CDH18: variants seen among roughly 807,000 people sequenced by gnomAD.
CDH18 encodes the protein cadherin-18.
CDH18 carries 31 observed loss-of-function variants against 67.9 expected under a neutral mutation model. The observed-to-expected ratio is 0.46, with a 90% CI of 0.34 to 0.62. The LOEUF (loss-of-function observed/expected upper bound fraction) is 0.62, where lower values mean the gene tolerates loss of function less well. CDH18 is among the 20% of genes least tolerant of loss of function. The probability of loss-of-function intolerance (pLI) is 0.01; values close to 1 mark genes in which losing one functional copy is unlikely to be tolerated. For missense variants in CDH18, 890 were observed against 975.5 expected (o/e 0.91, Z 1.17); for synonymous variants, 362 against 347.2 (o/e 1.04, Z -0.48).
chr5:19,896,431 T>C (rs1409386166), intron 2 of CDH18, among the ~76,000 whole-genome samples: 3 of 152,112 alleles, frequency 2.0e-5, no homozygotes, highest in Non-Finnish European at 4.4e-5. Context: ...ATAAACCTCC[T>C]TCTAAGAGAG....
chr5:20,466,959 C>T (rs1339077053), intron 1 of CDH18, among the ~76,000 whole-genome samples: 1 of 152,020 alleles, frequency 6.6e-6, no homozygotes, highest in Non-Finnish European at 1.5e-5. Context: ...AAATTATGGC[C>T]TTGTTGCAGG....
chr5:20,111,311 G>C (rs925867735), intron 2 of CDH18, among the ~76,000 whole-genome samples: 5 of 152,106 alleles, frequency 3.3e-5, no homozygotes, highest in African/African-American at 9.6e-5. Flanking sequence ...ATGAAGAAAG[G>C]CTCAGTAGGG....
intron 2 of CDH18, among the ~76,000 whole-genome samples, chr5:20,140,203 C>A (rs953463563): frequency 9.2e-5 from 14 of 152,102 alleles, no homozygotes; most frequent in South Asian, 4.1e-4. Context: ...TCATTCTGAG[C>A]AAACTGTCAC....
chr5:19,473,236 C>A lies in CDH18; in HGVS notation c.2363G>T (p.Arg788Ile). The change falls in exon 13 of 13, where the codon AGA becomes ATA. Residue 788 changes from arginine to isoleucine, a missense_variant. Around this residue, in one of 2 missense-constraint regions of CDH18, gnomAD observed 656 missense variants for 668.1 expected, o/e 0.98. Transcript: ENST00000382275. ...GCAAGAACTGACCCCCTAAGTTGTT[C>A]TTTCAGATTCTATTTCTCCATAGAG... The part of the protein sequence containing the change: ...AELYGEIESE[R>I]TT The A allele has an allele frequency of 6.2e-7, 1 of 1,612,842 alleles. No homozygotes were observed. Among genetic ancestry groups the A allele is most frequent in the Non-Finnish European group, 8.5e-7 (1 of 1,179,206 alleles).
intron 1 of CDH18, among the ~76,000 whole-genome samples, chr5:20,516,036 T>C (rs116420308): frequency 1.1e-3 from 168 of 152,156 alleles, no homozygotes; most frequent in African/African-American, 4.0e-3. Context: ...ATGGGCTCAA[T>C]AGAACTCAAA....
intron 5 of CDH18, among the ~76,000 whole-genome samples, chr5:19,718,035 T>TA (rs1376419930): frequency 6.6e-6 from 1 of 151,972 alleles, no homozygotes; most frequent in Non-Finnish European, 1.5e-5. Context: ...GATTTCAGTG[T>TA]AAAAAAATTC....
rs776225873 is a variant in CDH18 at position 19,571,640 on chromosome 5, T to C, written c.1192A>G (p.Ile398Val). The change falls in exon 8 of 13, where the codon ATT becomes GTT. Residue 398 changes from isoleucine (I) to valine (V), a missense_variant. Ile to Val is a conservative substitution (Grantham distance 29). This residue lies in a region of CDH18 where 656 missense variants were observed against 668.1 expected (regional missense o/e 0.98). Coordinates refer to ENST00000382275, the MANE Select transcript of CDH18 (RefSeq NM_004934.5). ...AAAACTGTACCAACGACGGTCCCAA[T>C]CTTGGCATTTTCGTAGACTTCCATG... ...YLMEVYENAK[I>V]GTVVGTVLAQ... 2 of 1,613,852 alleles carry C rather than the reference T, an allele frequency of 1.2e-6. No homozygotes were observed. Among genetic ancestry groups the C allele is most frequent in the African/African-American group, 2.7e-5 (2 of 74,906 alleles).
chr5:19,990,827 GAATT>G (rs1799942723), upstream of CDH18, among the ~76,000 whole-genome samples: 1 of 152,170 alleles, frequency 6.6e-6, no homozygotes, highest in East Asian at 1.9e-4. Context: ...AACCAATGTG[GAATT>G]TGCTGCTAGG....
At chr5:20,489,304 C>T (rs1753433476) in intron 1 of CDH18, among the ~76,000 whole-genome samples, 1 of 151,990 alleles carries the variant, frequency 6.6e-6, no homozygotes, top group African/African-American at 2.4e-5. Context: ...TGATACCAGA[C>T]AATAATACTA....
chr5:19,690,956 A>C (rs1761784163), intron 5 of CDH18, among the ~76,000 whole-genome samples: 1 of 151,852 alleles, frequency 6.6e-6, no homozygotes, highest in Non-Finnish European at 1.5e-5. Context: ...TCAAAACTAG[A>C]AAATGACACA....
At chr5:19,928,604 C>T (rs1215167482) in intron 2 of CDH18, among the ~76,000 whole-genome samples, 1 of 152,068 alleles carries the variant, frequency 6.6e-6, no homozygotes, top group African/African-American at 2.4e-5. Context: ...CACAATACTC[C>T]TGTGTGAGCT....
rs186677828 is a variant in CDH18 at position 19,495,811 on chromosome 5, G to T, written c.1630+7181C>A. Among the ~76,000 whole-genome samples, 245 of 151,728 alleles carry T rather than the reference G, an allele frequency of 1.6e-3. 1 individual carries two copies. Among genetic ancestry groups the T allele is most frequent in the Middle Eastern group, 0.01 (3 of 290 alleles). Reference sequence around the variant, plus strand: ...AAACTGCTGAAGTGAGATAAATAGAGGAGTTAATATTCTAGAGAAGAAGCA... The same window carrying T: ...AAACTGCTGAAGTGAGATAAATAGATGAGTTAATATTCTAGAGAAGAAGCA... On this transcript the variant is annotated intron_variant, in intron 11 of 12. Coordinates refer to ENST00000382275, the MANE Select transcript of CDH18 (RefSeq NM_004934.5).
chr5:19,768,502 T>C (rs895116173), intron 3 of CDH18, among the ~76,000 whole-genome samples: 13 of 152,112 alleles, frequency 8.5e-5, no homozygotes, highest in African/African-American at 3.1e-4. Context: ...AGCAGAAATG[T>C]ATGACAAAGG....
At chr5:19,595,584 A>T (rs1166681857) in intron 6 of CDH18, among the ~76,000 whole-genome samples, 1 of 152,228 alleles carries the variant, frequency 6.6e-6, no homozygotes, top group Non-Finnish European at 1.5e-5. Flanking sequence ...ACGTTGTGCC[A>T]CTGCACTCAG....
intron 5 of CDH18, among the ~76,000 whole-genome samples, chr5:19,684,670 G>C: frequency 6.6e-6 from 1 of 151,350 alleles, no homozygotes; most frequent in South Asian, 2.1e-4. Flanking sequence ...TTTTAAAATT[G>C]AAAACCCTGT....
intron 2 of CDH18, among the ~76,000 whole-genome samples, chr5:20,010,450 C>A (rs1056846590): frequency 6.6e-6 from 1 of 152,012 alleles, no homozygotes; most frequent in Non-Finnish European, 1.5e-5. Flanking sequence ...TTCAAGTGAT[C>A]TGTCCATCTC....
intron 2 of CDH18, among the ~76,000 whole-genome samples, chr5:19,879,420 GA>G (rs1380764974): frequency 1.3e-5 from 2 of 151,640 alleles, no homozygotes; most frequent in Admixed American, 6.6e-5. Flanking sequence ...ATGAAAAGGG[GA>G]AAAAAAGACC....
At chr5:20,036,665 T>A (rs1739890870) in intron 2 of CDH18, among the ~76,000 whole-genome samples, 1 of 151,958 alleles carries the variant, frequency 6.6e-6, no homozygotes, top group Non-Finnish European at 1.5e-5. Context: ...GTATTGAATA[T>A]CTTTGTAATT....
At chr5:19,485,173 GAAAT>G (rs142643450) in intron 11 of CDH18, among the ~76,000 whole-genome samples, 14,433 of 150,484 alleles carry the variant, frequency 0.096, 880 homozygotes, top group Middle Eastern at 0.14. Flanking sequence ...CTGAAAATCA[GAAAT>G]AAATAATCTA....
Sources: allele counts gnomAD v4.1 joint callset (sites outside exome capture counted in the v4.1 genomes callset), GRCh38; gene constraint gnomAD v4.1.1; regional missense constraint gnomAD v4.1.1; transcripts MANE v1.5; gene names NCBI Gene and HGNC (gene_info 2026-07-23, HGNC 2026-07-21).